Variants in HUWE1 observed in about 807,000 individuals in gnomAD.
The protein encoded by HUWE1 is HECT, UBA and WWE domain containing E3 ubiquitin protein ligase 1.
A neutral mutation model predicts 299.4 loss-of-function variants in HUWE1; 18 were observed. The observed-to-expected ratio is 0.06, with a 90% CI of 0.04 to 0.09. The LOEUF is 0.09. HUWE1 is among the 10% of genes least tolerant of loss of function. HUWE1 has a pLI of 1.00. For synonymous variants in HUWE1, 1,317 were observed against 1,286.1 expected (o/e 1.02, Z -0.51); for missense variants, 1,832 against 3,462.3 (o/e 0.53, Z 11.82).
Position 53,595,363 on chromosome X carries a change from T to C in HUWE1, c.3204A>G (p.Gly1068=). ...ATCCCACACAAAGTTTAACAAGAAG[T>C]CCAAATAGCTCAGCAAGTGCTCGGC... is the stretch of plus-strand genomic sequence containing the variant. ...RLGRALAELF[G]LLVKLCVGSP... The change falls in exon 30 of 84, where the codon GGA becomes GGG. Residue 1068 remains glycine, a synonymous_variant. Transcript: ENST00000262854. The C allele has an allele frequency of 8.3e-7, 1 of 1,210,566 alleles. No homozygotes were observed. Among genetic ancestry groups the C allele is most frequent in the Non-Finnish European group, 1.1e-6 (1 of 894,977 alleles).
At chrX:53,533,763 G>C (rs1247621891) in intron 83 of HUWE1, 25 of 447,379 alleles carry the variant, frequency 5.6e-5, no homozygotes, top group Non-Finnish European at 9.4e-5. Context: ...CTCCAGTCAC[G>C]CTGGCCCTGG....
At position 53,632,474 on chromosome X, in the gene HUWE1, G is replaced by A. The variant is rs2066939641; in HGVS notation, c.645+13C>T. ...TTGTAGACTTTGTCAGAACAAATCTGAATCAGACTCACCCTTTTCTCAATT... is the reference window on the plus strand; with the variant it reads ...TTGTAGACTTTGTCAGAACAAATCTAAATCAGACTCACCCTTTTCTCAATT... On this transcript the variant is annotated intron_variant, in intron 9 of 83. Transcript: ENST00000262854. The A allele has an allele frequency of 8.6e-7, 1 of 1,165,800 alleles. No individual in the cohort carries two copies. The highest frequency in any genetic ancestry group is 3.0e-5 in the East Asian group (1 of 33,690).
Position 53,631,433 on chromosome X carries a change from C to T in HUWE1, c.743G>A (p.Ser248Asn). 1 of 1,200,072 alleles carries T rather than the reference C, an allele frequency of 8.3e-7. No homozygotes were observed. The highest frequency in any genetic ancestry group is 3.0e-5 in the East Asian group (1 of 33,787). The change falls in exon 11 of 84, where the codon AGC (serine) becomes AAC (asparagine). Residue 248 changes from serine (S) to asparagine (N), a missense_variant. Ser to Asn is a conservative substitution (Grantham distance 46). Transcript: ENST00000262854. ...TCATACCTGCTTATCCTTAGGAATG[C>T]TGTACATTTTGGTAAGAGATTCCAT... The part of the protein sequence containing the change: ...EIMESLTKMY[S>N]IPKDKQMLLF...
At chrX:53,612,920 C>G (rs1405640358) in intron 23 of HUWE1, among the ~76,000 whole-genome samples, 1 of 111,402 alleles carries the variant, frequency 9.0e-6, no homozygotes, top group African/African-American at 3.3e-5. Context: ...AGATGTAAGG[C>G]ATCTGGAAAA....
At chrX:53,603,258 A>C in intron 27 of HUWE1, 110 bp downstream of exon 27, 1 of 725,247 alleles carries the variant, frequency 1.4e-6, no homozygotes, top group Admixed American at 2.6e-5. Context: ...AGGGAAGGAC[A>C]AGGAGGCCTC....
intron 52 of HUWE1, among the ~76,000 whole-genome samples, chrX:53,563,423 AGAACT>A (rs1164601601): frequency 9.0e-6 from 1 of 111,151 alleles, no homozygotes; most frequent in Non-Finnish European, 1.9e-5. Flanking sequence ...ACTTCATTGA[AGAACT>A]GAAAGGCAGC....
rs782208249 is a variant in HUWE1 at position 53,547,960 on chromosome X, G to A, written c.10349C>T (p.Thr3450Ile). ...HPVIRRSSLL[T>I]EKLLRLLSLI... ...AGAAAGGAGTCTGAGGAGTTTCTCA[G>A]TTAAGAGAGAGCTCCGGCGGATGAC... The change falls in exon 68 of 84, where the codon ACT (threonine) becomes ATT (isoleucine). Residue 3450 changes from threonine (T) to isoleucine (I), a missense_variant. Around this residue, in one of 15 missense-constraint regions of HUWE1, gnomAD observed 119 missense variants for 124.6 expected, o/e 0.96. Transcript: ENST00000262854. 8.3e-7 allele frequency: 1 copy of A among 1,211,257 alleles called. No homozygotes were observed.
chrX:53,601,776 C>T (rs2064864990), intron 28 of HUWE1, among the ~76,000 whole-genome samples: 2 of 107,881 alleles, frequency 1.9e-5, no homozygotes, highest in Non-Finnish European at 3.8e-5. Context: ...TCAAGCGATT[C>T]TCCTGCCTCA....
chrX:53,554,244 A>G (rs782666422), intron 61 of HUWE1, among the ~76,000 whole-genome samples: 16 of 110,490 alleles, frequency 1.4e-4, no homozygotes, highest in Non-Finnish European at 2.8e-4. Context: ...TTTCCCCCCA[A>G]TAGAGATGGG....
intron 39 of HUWE1, among the ~76,000 whole-genome samples, chrX:53,585,997 T>C (rs1214507231): frequency 8.9e-6 from 1 of 112,212 alleles, no homozygotes; most frequent in Non-Finnish European, 1.9e-5. Context: ...GCCTATGGTT[T>C]ATAAATTAGT....
intron 63 of HUWE1, among the ~76,000 whole-genome samples, chrX:53,552,089 T>C (rs1046967733): frequency 8.9e-6 from 1 of 111,840 alleles, no homozygotes; most frequent in Non-Finnish European, 1.9e-5. Context: ...TTGTAAAAGG[T>C]AGAAGTGGCA....
chrX:53,672,301 C>T (rs1453264963), intron 3 of HUWE1, among the ~76,000 whole-genome samples: 4 of 103,754 alleles, frequency 3.9e-5, no homozygotes, highest in East Asian at 3.0e-4. Flanking sequence ...CTCACTCTGT[C>T]GCCCAGGCTG....
At chrX:53,682,752 A>T (rs944786448) in intron 2 of HUWE1, among the ~76,000 whole-genome samples, 5 of 111,387 alleles carry the variant, frequency 4.5e-5, no homozygotes. Context: ...CCAGAAACTC[A>T]GAGCAAGGCA....
At chrX:53,535,685 T>C (rs2061010661) in intron 80 of HUWE1, among the ~76,000 whole-genome samples, 184 bp from the exon 81 acceptor site, 1 of 111,423 alleles carries the variant, frequency 9.0e-6, no homozygotes, top group Non-Finnish European at 1.9e-5. Context: ...AGGCTTTGGG[T>C]AGGAAAGAGG....
chrX:53,608,967 A>G, intron 23 of HUWE1, 58 bp from the exon 24 acceptor site: 1 of 672,273 alleles, frequency 1.5e-6, no homozygotes. Flanking sequence ...TATTAAGAGA[A>G]CAGAGGAGGA....
intron 3 of HUWE1, among the ~76,000 whole-genome samples, chrX:53,669,416 G>A (rs189955029): frequency 1.8e-4 from 20 of 112,092 alleles, no homozygotes; most frequent in African/African-American, 6.5e-4. Flanking sequence ...AAATGAAAGT[G>A]AAGTATGCAA....
rs782225303 is a variant in HUWE1, at chrX:53,602,709, A to AT, written c.2877-52dup. The AT allele has an allele frequency of 8.1e-4, 498 of 618,313 alleles. 2 individuals are homozygous for AT. The African/African-American group carries it at 9.8e-3, about 12-fold the overall frequency. The allele number at this position is 618,313 out of a possible 1,213,427, so 51.0% of individuals were successfully genotyped here. A position where few individuals can be genotyped will look rare whatever the true frequency, so the allele number is the denominator to read the frequency against. ...AAGAAATATATATATATATATACTG[A>AT]TAATTCACCTCTTATATTGTAAATG... is the stretch of plus-strand genomic sequence containing the variant. On this transcript the variant is annotated intron_variant, in intron 27 of 83. Transcript: ENST00000262854.
At chrX:53,579,038 G>C (rs1403336437) in intron 43 of HUWE1, among the ~76,000 whole-genome samples, 1 of 71,087 alleles carries the variant, frequency 1.4e-5, no homozygotes, top group Admixed American at 1.4e-4. Context: ...GCGGGGGGGG[G>C]GGTCGGCCAG....
intron 37 of HUWE1, 148 bp downstream of exon 37, chrX:53,588,234 T>G: frequency 3.7e-6 from 2 of 543,699 alleles, no homozygotes; most frequent in Non-Finnish European, 6.1e-6. Flanking sequence ...CGTAATTATA[T>G]GCATTTCAGC....
Sources: gnomAD v4.1 joint callset for allele counts (sites outside exome capture counted in the v4.1 genomes callset) on GRCh38, gnomAD v4.1.1 for gene constraint, gnomAD v4.1.1 regional missense constraint, MANE v1.5 for transcripts, NCBI Gene and HGNC (gene_info 2026-07-23, HGNC 2026-07-21) for gene names.